The following JAZF1 variants were observed in gnomAD, a reference collection of about 807,000 sequenced individuals.
JAZF1 encodes JAZF zinc finger 1.
Under a neutral mutation model 26.4 loss-of-function variants are expected in JAZF1, and 8 were observed. That is an observed-to-expected ratio of 0.30 (90% CI 0.18 to 0.55). The LOEUF (loss-of-function observed/expected upper bound fraction) is 0.55. Among genes scored for constraint, JAZF1 ranks in the 20% least tolerant of loss-of-function variants. The probability of loss-of-function intolerance (pLI) is 0.94; values close to 1 mark genes in which losing one functional copy is unlikely to be tolerated. For synonymous variants in JAZF1, 126 were observed against 122.3 expected (o/e 1.03, Z -0.20); for missense variants, 199 against 322.0 (o/e 0.62, Z 2.92).
chr7:28,024,725 G>C (rs1342905841), intron 1 of JAZF1, among the ~76,000 whole-genome samples: 2 of 152,100 alleles, frequency 1.3e-5, no homozygotes, highest in African/African-American at 4.8e-5. Context: ...GCTTCCCAGA[G>C]AGATTAAAGG....
At chr7:27,966,480 C>A (rs1039782376) in intron 2 of JAZF1, among the ~76,000 whole-genome samples, 2 of 152,108 alleles carry the variant, frequency 1.3e-5, no homozygotes, top group Admixed American at 6.6e-5. Flanking sequence ...GAGAAAAACA[C>A]AATTCAAGGC....
intron 1 of JAZF1, among the ~76,000 whole-genome samples, chr7:28,029,388 G>A (rs1427645202): frequency 6.6e-6 from 1 of 152,216 alleles, no homozygotes; most frequent in Non-Finnish European, 1.5e-5. Flanking sequence ...CACTTTGTCT[G>A]TTGTAAGGAA....
At chr7:28,138,934 A>G (rs1252193949) in intron 1 of JAZF1, among the ~76,000 whole-genome samples, 1 of 152,226 alleles carries the variant, frequency 6.6e-6, no homozygotes, top group Non-Finnish European at 1.5e-5. Context: ...AGTTGTTTGG[A>G]AACTGTACCA....
intron 1 of JAZF1, among the ~76,000 whole-genome samples, chr7:28,136,375 C>T (rs1192710255): frequency 6.6e-6 from 1 of 152,212 alleles, no homozygotes; most frequent in Non-Finnish European, 1.5e-5. Flanking sequence ...TCCTGCCCTG[C>T]TGATTTCATA....
At chr7:27,879,832 G>A (rs930969074) in intron 3 of JAZF1, among the ~76,000 whole-genome samples, 4 of 152,094 alleles carry the variant, frequency 2.6e-5, no homozygotes, top group African/African-American at 7.2e-5. Flanking sequence ...AGACCACTCA[G>A]AACACTACAG....
intron 3 of JAZF1, among the ~76,000 whole-genome samples, chr7:27,847,408 A>G (rs1460494079): frequency 6.6e-6 from 1 of 152,100 alleles, no homozygotes; most frequent in East Asian, 1.9e-4. Flanking sequence ...CCTGTTCTCT[A>G]AGAGTTTTAC....
intron 1 of JAZF1, among the ~76,000 whole-genome samples, chr7:28,094,465 C>T (rs148106051): frequency 2.6e-5 from 4 of 152,332 alleles, no homozygotes; most frequent in Non-Finnish European, 5.9e-5. Context: ...CTCCGTAGCA[C>T]GAAAAGCCTG....
chr7:28,026,828 A>G (rs1783102336), intron 1 of JAZF1, among the ~76,000 whole-genome samples: 1 of 152,188 alleles, frequency 6.6e-6, no homozygotes, highest in Non-Finnish European at 1.5e-5. Context: ...CTTACTGGTG[A>G]GTGGTCAGGA....
intron 3 of JAZF1, chr7:27,841,791 T>G (rs904319830): frequency 6.6e-6 from 1 of 152,160 alleles, no homozygotes; most frequent in African/African-American, 2.4e-5. Flanking sequence ...TATTTGGAGC[T>G]TTTGCACAAT....
At chr7:27,923,986 C>T (rs920829733) in intron 2 of JAZF1, among the ~76,000 whole-genome samples, 3 of 152,146 alleles carry the variant, frequency 2.0e-5, no homozygotes, top group African/African-American at 7.2e-5. Flanking sequence ...TATACTTGGG[C>T]ACAAGAAATG....
intron 1 of JAZF1, among the ~76,000 whole-genome samples, chr7:28,090,095 T>C (rs1784270271): frequency 6.6e-6 from 1 of 152,216 alleles, no homozygotes; most frequent in South Asian, 2.1e-4. Context: ...AGGGCTTCAA[T>C]CCCAATATCC....
In JAZF1 at chr7:28,000,036, G is replaced by A. The variant is rs566131474; in HGVS notation, c.116-8055C>T. 7.3e-4 allele frequency among the ~76,000 whole-genome samples: 111 copies of A among 152,286 alleles called. 1 individual carries two copies. Among genetic ancestry groups the A allele is most frequent in the Admixed American group, 1.0e-3 (16 of 15,302 alleles). On this transcript the variant is annotated intron_variant, in intron 1 of 4. Transcript: ENST00000283928. ...GAGCCAGGTTTTGAAGGGAGTGAGC[G>A]TAGCGAATCATTCACAGGTGAGGGC... is the stretch of plus-strand genomic sequence containing the variant.
chr7:27,968,661 T>A (rs904662276), intron 2 of JAZF1, among the ~76,000 whole-genome samples: 1 of 152,226 alleles, frequency 6.6e-6, no homozygotes, highest in African/African-American at 2.4e-5. Flanking sequence ...TAATGTGCCT[T>A]TATTATTAAA....
intron 3 of JAZF1, among the ~76,000 whole-genome samples, chr7:27,878,663 G>A (rs533140663): frequency 3.3e-4 from 50 of 152,240 alleles, no homozygotes; most frequent in Non-Finnish European, 6.3e-4. Flanking sequence ...GGGCAGTAAC[G>A]CATTTTGTAA....
chr7:27,837,087 T>C (rs1301575507), intron 4 of JAZF1, among the ~76,000 whole-genome samples: 1 of 152,164 alleles, frequency 6.6e-6, no homozygotes, highest in Admixed American at 6.5e-5. Flanking sequence ...GCTGAAACAA[T>C]CAATGTACCT....
intron 1 of JAZF1, among the ~76,000 whole-genome samples, chr7:28,064,038 A>G (rs2128383306): frequency 6.6e-6 from 1 of 152,172 alleles, no homozygotes; most frequent in African/African-American, 2.4e-5. Flanking sequence ...AAATATTCTA[A>G]AAGGTCACAC....
chr7:28,116,800 G>A (rs927489197), intron 1 of JAZF1, among the ~76,000 whole-genome samples: 2 of 151,838 alleles, frequency 1.3e-5, no homozygotes, highest in Non-Finnish European at 2.9e-5. Flanking sequence ...CTTTGCCTAG[G>A]CTATTGGTAT....
chr7:28,054,677 G>C (rs921094809), intron 1 of JAZF1, among the ~76,000 whole-genome samples: 18 of 152,060 alleles, frequency 1.2e-4, no homozygotes, highest in Admixed American at 1.1e-3. Flanking sequence ...TCTCATGCTC[G>C]AGGCCATTAG....
intron 2 of JAZF1, among the ~76,000 whole-genome samples, chr7:27,983,169 C>T (rs993911337): frequency 1.2e-4 from 19 of 152,096 alleles, no homozygotes; most frequent in Non-Finnish European, 1.9e-4. Flanking sequence ...GGAGGATGTT[C>T]GAACCCATGG....
Sources: gnomAD v4.1 joint callset for allele counts (sites outside exome capture counted in the v4.1 genomes callset) on GRCh38, gnomAD v4.1.1 for gene constraint, MANE v1.5 for transcripts, NCBI Gene and HGNC (gene_info 2026-07-23, HGNC 2026-07-21) for gene names.